TRPM6: variants seen among roughly 807,000 people sequenced by gnomAD.
The protein encoded by TRPM6 is channel kinase 2.
Under a neutral mutation model 247.6 loss-of-function variants are expected in TRPM6, and 111 were observed. The observed-to-expected ratio is 0.45, with a 90% confidence interval of 0.38 to 0.52. The LOEUF is 0.52. Among genes scored for constraint, TRPM6 ranks in the 20% least tolerant of loss-of-function variants. TRPM6 has a pLI of 0.00. For synonymous variants in TRPM6, 892 were observed against 853.8 expected, an observed-to-expected ratio of 1.04 and a Z score of -0.78; for missense variants, 2,126 against 2,421.5, an observed-to-expected ratio of 0.88 and a Z score of 2.56.
intron 1 of TRPM6, among the ~76,000 whole-genome samples, chr9:74,886,189 A>G (rs960010714): frequency 6.6e-6 from 1 of 152,194 alleles, no homozygotes; most frequent in Non-Finnish European, 1.5e-5. Context: ...AAAGGGTACT[A>G]GTCTCCAGTT....
At chr9:74,863,785 A>G (rs1830760980) in intron 1 of TRPM6, among the ~76,000 whole-genome samples, 1 of 151,278 alleles carries the variant, frequency 6.6e-6, no homozygotes, top group Admixed American at 6.6e-5. Context: ...ATGGGGTTTC[A>G]CCGTGTTAGC....
Position 74,752,359 on chromosome 9 carries a change from G to C in TRPM6, c.4916C>G (p.Pro1639Arg), listed in dbSNP as rs771510062. The C allele has an allele frequency of 1.3e-6, 2 of 1,563,280 alleles. No homozygotes were observed. The highest frequency in any genetic ancestry group is 3.4e-5 in the Admixed American group (2 of 58,468). The change falls in exon 29 of 39, where the codon CCT becomes CGT. Residue 1639 changes from proline to arginine, a missense_variant. Pro to Arg is a moderately radical substitution (Grantham distance 103). Around this residue, in one of 3 missense-constraint regions of TRPM6, gnomAD observed 717 missense variants for 715.9 expected, o/e 1.00. Coordinates refer to ENST00000360774, the MANE Select transcript of TRPM6 (RefSeq NM_017662.5). ...VSKFSHTGVE[P>R]YIHQKMKTKE... The stretch of plus-strand genomic sequence containing the variant: ...AGTTTTCATTTTCTGATGTATGTAA[G>C]GTTCTACACCTTGTAAAGAGGAAGA...
intron 25 of TRPM6, among the ~76,000 whole-genome samples, chr9:74,771,270 C>T (rs1827025822): frequency 6.6e-6 from 1 of 152,234 alleles, no homozygotes; most frequent in Non-Finnish European, 1.5e-5. Flanking sequence ...CTAGATTTCA[C>T]GCCACCATCA....
At chr9:74,781,536 C>CAAAAAA (rs35938872) in intron 23 of TRPM6, among the ~76,000 whole-genome samples, 5,256 of 93,210 alleles carry the variant, frequency 0.056, 201 homozygotes, top group East Asian at 0.14. Context: ...GACTCTATCT[C>CAAAAAA]AAAAAAAAAA....
At position 74,840,074 on chromosome 9, in the gene TRPM6, T is replaced by G. The variant is rs769945162; in HGVS notation, c.494A>C (p.Lys165Thr). 7 of 1,614,148 alleles carry G rather than the reference T, an allele frequency of 4.3e-6. No homozygotes were observed. In the South Asian group the frequency reaches 6.6e-5, roughly 15 times the overall value. The change falls in exon 5 of 39, where the codon AAA becomes ACA. Residue 165 changes from lysine to threonine, a missense_variant. By Grantham distance (78) the Lys-to-Thr change is moderately conservative. Coordinates refer to ENST00000360774, the MANE Select transcript of TRPM6 (RefSeq NM_017662.5). Reference protein sequence around the residue: ...FKEIFSQGLVKAAETTGAWII... With the variant: ...FKEIFSQGLVTAAETTGAWII... ...CCACGCTCCTGTTGTCTCTGCAGCT[T>G]TAACCAAACCTTGGCTGAAAATCTC...
intron 5 of TRPM6, among the ~76,000 whole-genome samples, chr9:74,837,136 T>C (rs1829750247): frequency 6.6e-6 from 1 of 152,258 alleles, no homozygotes; most frequent in Non-Finnish European, 1.5e-5. Context: ...TTCTTAAGGC[T>C]TGTGGCATTC....
In TRPM6 at chr9:74,728,290, A is replaced by C. The variant is rs1825401471; in HGVS notation, c.5884T>G (p.Phe1962Val). The C allele has an allele frequency of 1.9e-6, 3 of 1,614,178 alleles. No individual in the cohort carries two copies. The highest frequency in any genetic ancestry group is 2.5e-6 in the Non-Finnish European group (3 of 1,180,016). Residue 1962 changes from phenylalanine to valine, a missense_variant, in exon 38 of 39, where the codon TTC (phenylalanine) becomes GTC (valine). Coordinates refer to ENST00000360774, the MANE Select transcript of TRPM6 (RefSeq NM_017662.5). ...GAGTTACAATGATGTTTTGCAATGAAGTTTCTAATTGCATCTTCCCCCAAA... is the reference window on the plus strand; with the variant it reads ...GAGTTACAATGATGTTTTGCAATGACGTTTCTAATTGCATCTTCCCCCAAA... ...ANLGEDAIRNFIAKHHCNSCC... is the reference protein window; with the variant it reads ...ANLGEDAIRNVIAKHHCNSCC...
chr9:74,840,435 G>A (rs1829894466), intron 4 of TRPM6, among the ~76,000 whole-genome samples, 198 bp from the exon 5 acceptor site: 1 of 152,186 alleles, frequency 6.6e-6, no homozygotes, highest in South Asian at 2.1e-4. Context: ...TTCCTTCTGG[G>A]AATTACAAGT....
At chr9:74,786,748 T>C (rs995493304) in intron 20 of TRPM6, among the ~76,000 whole-genome samples, 6 of 151,076 alleles carry the variant, frequency 4.0e-5, no homozygotes, top group Non-Finnish European at 8.9e-5. Context: ...TCAAAATAAA[T>C]AAACAAATAA....
chr9:74,755,589 C>T, intron 27 of TRPM6, 116 bp from the exon 28 acceptor site: 6 of 1,320,878 alleles, frequency 4.5e-6, no homozygotes, highest in Non-Finnish European at 6.5e-6. Flanking sequence ...CTGCATATGA[C>T]AATTGCCTGG....
rs983598342 is a variant in TRPM6 at position 74,805,733 on chromosome 9, G to C, written c.1639-1847C>G. Among the ~76,000 whole-genome samples, 11 of 152,160 alleles carry C rather than the reference G, an allele frequency of 7.2e-5. 1 individual carries two copies. The highest frequency in any genetic ancestry group is 7.2e-4 in the Admixed American group (11 of 15,276). On this transcript the variant is annotated intron_variant, in intron 14 of 38. Transcript: ENST00000360774. ...CATTAGGGTGGTATAATGACTTGGG[G>C]ATGAGGAGGAGGTGAGGAGAGCCCT...
intron 7 of TRPM6, among the ~76,000 whole-genome samples, chr9:74,823,930 G>A (rs757546726): frequency 7.9e-5 from 12 of 151,850 alleles, no homozygotes; most frequent in South Asian, 6.2e-4. Context: ...GTGTGTGTGC[G>A]TCTGCATGTG....
chr9:74,845,572 C>T (rs1015460885), intron 3 of TRPM6, among the ~76,000 whole-genome samples: 1 of 152,038 alleles, frequency 6.6e-6, no homozygotes, highest in Non-Finnish European at 1.5e-5. Flanking sequence ...GGCTCACGCC[C>T]GTAATTCCAG....
chr9:74,830,838 C>G (rs147049538), intron 6 of TRPM6, among the ~76,000 whole-genome samples: 2 of 146,836 alleles, frequency 1.4e-5, no homozygotes, highest in African/African-American at 5.0e-5. Context: ...CTCAAGCAAT[C>G]CGCCGGCCTC....
At chr9:74,887,792 T>C in intron 1 of TRPM6, 32 bp downstream of exon 1, 1 of 1,614,132 alleles carries the variant, frequency 6.2e-7, no homozygotes, top group Non-Finnish European at 8.5e-7. Context: ...CTAAGGTCCT[T>C]GTTCCCCGCC....
intron 37 of TRPM6, among the ~76,000 whole-genome samples, chr9:74,730,188 C>T (rs967684019): frequency 3.3e-5 from 5 of 152,082 alleles, no homozygotes; most frequent in Non-Finnish European, 2.9e-5. Context: ...GTTCCACATG[C>T]GAGGAAACGC....
chr9:74,820,574 G>A (rs112174041), intron 8 of TRPM6, 147 bp from the exon 9 acceptor site: 31 of 965,520 alleles, frequency 3.2e-5, no homozygotes, highest in Admixed American at 2.7e-4. Context: ...GGGAGCAAAC[G>A]GAAGCAGGAG....
intron 3 of TRPM6, among the ~76,000 whole-genome samples, chr9:74,845,442 T>C (rs1028875187): frequency 2.0e-5 from 3 of 152,230 alleles, no homozygotes; most frequent in African/African-American, 7.2e-5. Flanking sequence ...TACCATGGTA[T>C]ATGATTCAGC....
In TRPM6 at chr9:74,830,758, T is replaced by G. The variant is rs376176007; in HGVS notation, c.670-2809A>C. 9.1e-3 allele frequency among the ~76,000 whole-genome samples: 906 copies of G among 99,456 alleles called. 4 individuals carry two copies. Among genetic ancestry groups the G allele is most frequent in the East Asian group, 0.017 (48 of 2,880 alleles). 65.2% of individuals were successfully genotyped at this position (99,456 alleles called of 152,430 possible). A position where few individuals can be genotyped will look rare whatever the true frequency, so the allele number is the denominator to read the frequency against. On this transcript the variant is annotated intron_variant, in intron 6 of 38. Transcript: ENST00000360774. ...TGCCCAGCTAATTTTTGTTTTTTTT[T>G]TTTTTTTTTTTTTTTTTTTTGTAGA...
Sources: gnomAD v4.1 joint callset for allele counts (sites outside exome capture counted in the v4.1 genomes callset) on GRCh38, gnomAD v4.1.1 for gene constraint, gnomAD v4.1.1 regional missense constraint, MANE v1.5 for transcripts, NCBI Gene and HGNC (gene_info 2026-07-23, HGNC 2026-07-21) for gene names.